Variants in TTLL5 observed in about 807,000 individuals in gnomAD.
The protein encoded by TTLL5 is tubulin tyrosine ligase like 5.
A neutral mutation model predicts 168.4 loss-of-function variants in TTLL5; 132 were observed. That is an observed-to-expected ratio of 0.78 (90% CI 0.68 to 0.91). TTLL5 has a LOEUF of 0.91. Ranked by LOEUF, TTLL5 falls within the 40% of genes least tolerant of loss-of-function variation. TTLL5 has a pLI of 0.00. For missense variants in TTLL5, 1,545 were observed against 1,581.5 expected (o/e 0.98, Z 0.39); for synonymous variants, 546 against 558.6 (o/e 0.98, Z 0.32).
chr14:75,757,767 G>A, intron 18 of TTLL5: 4 of 1,456,504 alleles, frequency 2.7e-6, no homozygotes, highest in Non-Finnish European at 3.7e-6. Context: ...GCATGTGTGT[G>A]TGAACTTAAG....
At chr14:75,856,536 T>C (rs1897134767) in intron 28 of TTLL5, among the ~76,000 whole-genome samples, 1 of 152,204 alleles carries the variant, frequency 6.6e-6, no homozygotes, top group African/African-American at 2.4e-5. Flanking sequence ...ATTAGTGTTT[T>C]ATAAATTCAG....
intron 15 of TTLL5, among the ~76,000 whole-genome samples, chr14:75,743,070 A>G (rs1271449777): frequency 6.6e-6 from 1 of 152,196 alleles, no homozygotes; most frequent in Admixed American, 6.5e-5. Context: ...TGTTCAACCA[A>G]TATTTCTTGA....
intron 6 of TTLL5, among the ~76,000 whole-genome samples, chr14:75,697,457 C>T (rs1885952784): frequency 6.6e-6 from 1 of 152,114 alleles, no homozygotes; most frequent in African/African-American, 2.4e-5. Flanking sequence ...AATTCTGCAT[C>T]AAGGGAAAAG....
At chr14:75,863,556 C>T in intron 28 of TTLL5, 111 bp from the exon 29 acceptor site, 1 of 1,058,310 alleles carries the variant, frequency 9.4e-7, no homozygotes, top group Non-Finnish European at 1.3e-6. Flanking sequence ...TTTGTAATTC[C>T]AAACTGTGCT....
intron 23 of TTLL5, among the ~76,000 whole-genome samples, chr14:75,779,360 A>G (rs963547047): frequency 1.2e-5 from 1 of 81,050 alleles, no homozygotes; most frequent in African/African-American, 4.8e-5. Context: ...GTGTAGATCT[A>G]GAAAATTCAC....
intron 29 of TTLL5, among the ~76,000 whole-genome samples, chr14:75,870,021 A>T (rs548186832): frequency 2.6e-5 from 4 of 151,786 alleles, no homozygotes; most frequent in Non-Finnish European, 5.9e-5. Context: ...GGTTTTCACC[A>T]TAGTGGTGAG....
At chr14:75,693,456 C>A (rs1273651432) in intron 6 of TTLL5, among the ~76,000 whole-genome samples, 2 of 152,186 alleles carry the variant, frequency 1.3e-5, no homozygotes, top group Non-Finnish European at 2.9e-5. Flanking sequence ...AGCCTAGAGA[C>A]TAATCACTGT....
At chr14:75,870,986 G>A (rs998935765) in intron 29 of TTLL5, among the ~76,000 whole-genome samples, 2 of 152,110 alleles carry the variant, frequency 1.3e-5, no homozygotes, top group African/African-American at 4.8e-5. Context: ...AGTAGAGACA[G>A]GGTTTCACTG....
intron 9 of TTLL5, among the ~76,000 whole-genome samples, chr14:75,714,473 C>T (rs1402160954): frequency 1.3e-5 from 2 of 151,744 alleles, no homozygotes; most frequent in Non-Finnish European, 2.9e-5. Context: ...TTTTTAATTC[C>T]ATCATAACTT....
chr14:75,676,805 C>T (rs1298027397), intron 3 of TTLL5, among the ~76,000 whole-genome samples: 1 of 147,994 alleles, frequency 6.8e-6, no homozygotes, highest in Non-Finnish European at 1.5e-5. Context: ...GGGTCTTGCT[C>T]TGTCACCCAC....
At chr14:75,849,429 G>A (rs1482130609) in intron 28 of TTLL5, among the ~76,000 whole-genome samples, 1 of 152,212 alleles carries the variant, frequency 6.6e-6, no homozygotes, top group Non-Finnish European at 1.5e-5. Flanking sequence ...GCTTGTGATA[G>A]TGATTCAGTA....
At chr14:75,751,001 G>A (rs1447872724) in intron 17 of TTLL5, among the ~76,000 whole-genome samples, 4 of 152,150 alleles carry the variant, frequency 2.6e-5, no homozygotes, top group African/African-American at 7.2e-5. Flanking sequence ...TTGACCTTTT[G>A]TATTCCTGAA....
intron 28 of TTLL5, among the ~76,000 whole-genome samples, chr14:75,831,098 C>T (rs1181531082): frequency 1.3e-5 from 2 of 152,148 alleles, no homozygotes; most frequent in Non-Finnish European, 2.9e-5. Flanking sequence ...TGGCTCATGA[C>T]TACCATATTG....
intron 26 of TTLL5, among the ~76,000 whole-genome samples, chr14:75,787,002 G>T (rs558719575): frequency 6.6e-6 from 1 of 151,944 alleles, no homozygotes; most frequent in African/African-American, 2.4e-5. Flanking sequence ...GCATGGTGGC[G>T]CTGGCCTGTA....
chr14:75,686,200 T>C (rs1885033586), intron 5 of TTLL5, among the ~76,000 whole-genome samples: 1 of 152,188 alleles, frequency 6.6e-6, no homozygotes. Flanking sequence ...AAATCATAGA[T>C]CAATGAGTCC....
intron 28 of TTLL5, among the ~76,000 whole-genome samples, chr14:75,834,302 G>A (rs1049949892): frequency 6.6e-6 from 1 of 152,162 alleles, no homozygotes; most frequent in African/African-American, 2.4e-5. Flanking sequence ...ATTCAAGTAG[G>A]GGAGTATGTG....
At chr14:75,952,416 A>T (rs992604435) in intron 31 of TTLL5, among the ~76,000 whole-genome samples, 3 of 152,244 alleles carry the variant, frequency 2.0e-5, no homozygotes, top group African/African-American at 7.2e-5. Context: ...GTTGGGAGGG[A>T]TGTAAAATGG....
At chr14:75,939,184 C>T (rs1228803420) in intron 31 of TTLL5, among the ~76,000 whole-genome samples, 2 of 152,214 alleles carry the variant, frequency 1.3e-5, no homozygotes, top group Non-Finnish European at 2.9e-5. Flanking sequence ...CCTGCCTCCC[C>T]ACCCCAGTGC....
intron 18 of TTLL5, among the ~76,000 whole-genome samples, chr14:75,764,135 C>T (rs887692727): frequency 1.3e-5 from 2 of 152,126 alleles, no homozygotes; most frequent in African/African-American, 4.8e-5. Flanking sequence ...AGCCTTTGTT[C>T]CCCTCATCTG....
Sources: allele counts gnomAD v4.1 joint callset (sites outside exome capture counted in the v4.1 genomes callset), GRCh38; gene constraint gnomAD v4.1.1; transcripts MANE v1.5; gene names NCBI Gene and HGNC (gene_info 2026-07-23, HGNC 2026-07-21).